Variants in LRRC4C observed in about 807,000 individuals in gnomAD.
The protein encoded by LRRC4C is leucine-rich repeat-containing protein 4C.
Under a neutral mutation model 33.6 loss-of-function variants are expected in LRRC4C, and 5 were observed. The observed-to-expected ratio is 0.15, with a 90% CI of 0.08 to 0.31. The LOEUF (loss-of-function observed/expected upper bound fraction) is 0.31, where lower values mean the gene tolerates loss of function less well. Ranked by LOEUF, LRRC4C falls within the 10% of genes least tolerant of loss-of-function variation. The pLI, the probability that LRRC4C is intolerant of heterozygous loss-of-function variation, is 1.00. For synonymous variants in LRRC4C, 329 were observed against 302.0 expected (o/e 1.09, Z -0.93); for missense variants, 560 against 796.7 (o/e 0.70, Z 3.58).
intron 1 of LRRC4C, among the ~76,000 whole-genome samples, chr11:41,140,699 AG>A (rs1943466338): frequency 6.6e-6 from 1 of 152,236 alleles, no homozygotes; most frequent in Non-Finnish European, 1.5e-5. Flanking sequence ...ATAAAAGAAA[AG>A]CTCCTTTCTG....
intron 1 of LRRC4C, among the ~76,000 whole-genome samples, chr11:41,370,275 C>G (rs886124467): frequency 3.9e-5 from 6 of 152,146 alleles, no homozygotes; most frequent in African/African-American, 1.2e-4. Flanking sequence ...CCTCTACCAC[C>G]TGGGTTTAAG....
At chr11:41,358,524 A>G (rs1427640273) in intron 1 of LRRC4C, among the ~76,000 whole-genome samples, 1 of 152,190 alleles carries the variant, frequency 6.6e-6, no homozygotes, top group Non-Finnish European at 1.5e-5. Context: ...TATTATCCAA[A>G]ATTTCAAAGA....
chr11:40,184,127 G>A, intron 5 of LRRC4C, among the ~76,000 whole-genome samples: 1 of 152,212 alleles, frequency 6.6e-6, no homozygotes, highest in East Asian at 1.9e-4. Context: ...AATTTCCCTG[G>A]GACAGTTCTG....
At chr11:40,948,279 A>T (rs1463570850) in intron 1 of LRRC4C, among the ~76,000 whole-genome samples, 5 of 152,180 alleles carry the variant, frequency 3.3e-5, no homozygotes, top group African/African-American at 1.2e-4. Context: ...GCTACTATGA[A>T]ATCCTAAGAA....
intron 1 of LRRC4C, among the ~76,000 whole-genome samples, chr11:41,179,546 A>AT (rs1377849419): frequency 6.6e-6 from 1 of 152,134 alleles, no homozygotes; most frequent in African/African-American, 2.4e-5. Context: ...CTTTCCTCGT[A>AT]TTTTATTTCC....
chr11:40,738,953 A>C (rs1457793245), intron 2 of LRRC4C, among the ~76,000 whole-genome samples: 2 of 152,028 alleles, frequency 1.3e-5, no homozygotes, highest in Non-Finnish European at 2.9e-5. Flanking sequence ...TACGCTGTGA[A>C]ATGATTAACG....
chr11:40,291,753 T>C (rs948067437), intron 4 of LRRC4C, among the ~76,000 whole-genome samples: 7 of 152,216 alleles, frequency 4.6e-5, no homozygotes, highest in Non-Finnish European at 1.0e-4. Context: ...TTTGTGTTAA[T>C]ACATTCTGTT....
chr11:40,301,869 A>G (rs1337663335), intron 4 of LRRC4C, among the ~76,000 whole-genome samples: 1 of 152,246 alleles, frequency 6.6e-6, no homozygotes, highest in Non-Finnish European at 1.5e-5. Context: ...CTTTTAAGAG[A>G]CAAAAATGAC....
intron 1 of LRRC4C, among the ~76,000 whole-genome samples, chr11:41,430,529 A>C (rs552670904): frequency 6.6e-6 from 1 of 152,280 alleles, no homozygotes; most frequent in South Asian, 2.1e-4. Context: ...TTGTGGCAAC[A>C]TACTGAGATG....
At chr11:40,412,565 T>G (rs1334014525) in intron 3 of LRRC4C, among the ~76,000 whole-genome samples, 1 of 152,178 alleles carries the variant, frequency 6.6e-6, no homozygotes, top group East Asian at 1.9e-4. Flanking sequence ...ACCATCATAA[T>G]GCAAGCACTA....
chr11:41,027,690 T>A (rs1482209101), intron 1 of LRRC4C, among the ~76,000 whole-genome samples: 1 of 151,734 alleles, frequency 6.6e-6, no homozygotes, highest in Admixed American at 6.6e-5. Context: ...AGGAATAGTC[T>A]AGGCAATTTT....
At chr11:40,272,262 T>C (rs1016665364) in intron 4 of LRRC4C, among the ~76,000 whole-genome samples, 9 of 152,114 alleles carry the variant, frequency 5.9e-5, no homozygotes, top group Admixed American at 3.9e-4. Flanking sequence ...AATACAAAGG[T>C]CATTCGCTAA....
At chr11:40,891,263 C>CAA (rs1356713915) in intron 2 of LRRC4C, among the ~76,000 whole-genome samples, 6 of 151,884 alleles carry the variant, frequency 4.0e-5, no homozygotes, top group African/African-American at 1.5e-4. Context: ...CAAACAAAAT[C>CAA]AAACAACAAC....
intron 1 of LRRC4C, among the ~76,000 whole-genome samples, chr11:41,279,054 G>A (rs1421866145): frequency 6.6e-6 from 1 of 152,088 alleles, no homozygotes; most frequent in Non-Finnish European, 1.5e-5. Context: ...GTGAAAACAT[G>A]TGGCATTTGG....
intron 2 of LRRC4C, among the ~76,000 whole-genome samples, chr11:40,739,307 G>A (rs1302306775): frequency 6.6e-6 from 1 of 151,820 alleles, no homozygotes. Context: ...AGTATATATA[G>A]TATTTGTTTT....
chr11:40,863,480 T>A (rs1954203541), intron 2 of LRRC4C, among the ~76,000 whole-genome samples: 1 of 152,154 alleles, frequency 6.6e-6, no homozygotes, highest in Non-Finnish European at 1.5e-5. Flanking sequence ...CTAAACTGGG[T>A]CCTTATAACC....
intron 1 of LRRC4C, among the ~76,000 whole-genome samples, chr11:41,158,375 G>A (rs1444413815): frequency 6.6e-6 from 1 of 152,026 alleles, no homozygotes; most frequent in Non-Finnish European, 1.5e-5. Context: ...GTTCCAAAAA[G>A]AGAAAACCAC....
chr11:41,235,343 C>T (rs902865897), intron 1 of LRRC4C, among the ~76,000 whole-genome samples: 4 of 152,008 alleles, frequency 2.6e-5, no homozygotes, highest in East Asian at 1.9e-4. Context: ...TTTCCATTTG[C>T]GTAGTTACTT....
At chr11:40,759,484 C>G (rs1949097663) in intron 2 of LRRC4C, among the ~76,000 whole-genome samples, 2 of 151,774 alleles carry the variant, frequency 1.3e-5, no homozygotes, top group Admixed American at 1.3e-4. Flanking sequence ...GTTCTAAGTA[C>G]ATGGGAGATA....
Sources: allele counts gnomAD v4.1 joint callset (sites outside exome capture counted in the v4.1 genomes callset), GRCh38; gene constraint gnomAD v4.1.1; transcripts MANE v1.5; gene names NCBI Gene and HGNC (gene_info 2026-07-23, HGNC 2026-07-21).